Variants in SORL1 observed in about 807,000 individuals in gnomAD.
SORL1 encodes sortilin-related receptor.
SORL1 carries 127 observed loss-of-function variants against 273.7 expected under a neutral mutation model. The observed-to-expected ratio is 0.46, with a 90% confidence interval of 0.40 to 0.54. The LOEUF is 0.54. Ranked by LOEUF, SORL1 falls within the 20% of genes least tolerant of loss-of-function variation. SORL1 has a pLI of 0.00. For missense variants in SORL1, 2,494 were observed against 2,846.1 expected (o/e 0.88, Z 2.81); for synonymous variants, 1,031 against 1,067.4 (o/e 0.97, Z 0.66).
At chr11:121,483,079 G>T (rs1861418440) in intron 3 of SORL1, among the ~76,000 whole-genome samples, 1 of 152,226 alleles carries the variant, frequency 6.6e-6, no homozygotes, top group African/African-American at 2.4e-5. Flanking sequence ...GTTTGGCGCT[G>T]TTATTTGCTT....
intron 24 of SORL1, among the ~76,000 whole-genome samples, chr11:121,575,798 G>C (rs1862919972): frequency 6.6e-6 from 1 of 152,150 alleles, no homozygotes; most frequent in Admixed American, 6.5e-5. Context: ...TTTTGCCCTA[G>C]TAAGAAGGAA....
rs1489123013 is a variant in SORL1 at position 121,627,568 on chromosome 11, T to G, written c.6378T>G (p.Ser2126=). ...TTGCCTTGGCAGGTGCAGATGCATCTGCAACGCAGGCTGCCAGATCTACGG... is the reference window on the plus strand; with the variant it reads ...TTGCCTTGGCAGGTGCAGATGCATCGGCAACGCAGGCTGCCAGATCTACGG... ...YDELGSGADA[S]ATQAARSTDV... is the part of the protein sequence containing the mutation. Residue 2126 remains serine, a synonymous_variant, in exon 47 of 48, where the codon TCT becomes TCG. Transcript: ENST00000260197. This position sits in a 1 kb window ranked among gnomAD's most constrained non-coding sequence, Gnocchi z 4.9. The G allele has an allele frequency of 1.9e-6, 3 of 1,614,042 alleles. No individual in the cohort carries two copies. The South Asian group carries it at 3.3e-5, about 18-fold the overall frequency.
chr11:121,613,949 C>T (rs2134936971), intron 40 of SORL1, among the ~76,000 whole-genome samples: 1 of 152,348 alleles, frequency 6.6e-6, no homozygotes, highest in South Asian at 2.1e-4. Context: ...TGCCAGCCAG[C>T]AGCTGCTGTA....
chr11:121,536,148 CT>C (rs1318232194), intron 12 of SORL1, among the ~76,000 whole-genome samples: 1 of 152,060 alleles, frequency 6.6e-6, no homozygotes, highest in South Asian at 2.1e-4. Flanking sequence ...CCCAAAGCAT[CT>C]TTTTTTTCTA....
intron 14 of SORL1, among the ~76,000 whole-genome samples, chr11:121,547,873 G>A (rs989933200): frequency 2.6e-5 from 4 of 152,286 alleles, no homozygotes; most frequent in South Asian, 2.1e-4. Context: ...CAAGCTTATA[G>A]TATCTTTCCA....
At chr11:121,475,858 T>C (rs191894260) in intron 2 of SORL1, among the ~76,000 whole-genome samples, 1,783 of 152,360 alleles carry the variant, frequency 0.012, 55 homozygotes, top group Admixed American at 0.07. Flanking sequence ...TTCAATTCAT[T>C]CTTTTCTATT....
chr11:121,513,729 C>A (rs78670938), intron 7 of SORL1, among the ~76,000 whole-genome samples: 2 of 152,168 alleles, frequency 1.3e-5, no homozygotes, highest in African/African-American at 4.8e-5. Flanking sequence ...TGGGATCATA[C>A]GGAGAACAGT....
chr11:121,534,611 G>A (rs2134874445), intron 12 of SORL1, among the ~76,000 whole-genome samples: 1 of 152,360 alleles, frequency 6.6e-6, no homozygotes, highest in East Asian at 1.9e-4. Flanking sequence ...ATAACAACCT[G>A]AGCTTGGCCT....
chr11:121,549,900 T>A, intron 14 of SORL1, 60 bp from the exon 15 acceptor site: 1 of 1,563,912 alleles, frequency 6.4e-7, no homozygotes, highest in Non-Finnish European at 8.7e-7. Flanking sequence ...GCAGAATTGG[T>A]ACAGGAATGC....
chr11:121,490,078 C>G lies in SORL1; in HGVS notation c.726C>G (p.Ile242Met). 6.2e-7 allele frequency: 1 copy of G among 1,613,958 alleles called. No individual in the cohort carries two copies. Among genetic ancestry groups the G allele is most frequent in the Non-Finnish European group, 8.5e-7 (1 of 1,179,818 alleles). The change falls in exon 5 of 48, where the codon ATC becomes ATG. Residue 242 changes from isoleucine (I) to methionine (M), a missense_variant. This residue lies in a region of SORL1 where 710 missense variants were observed against 882.5 expected (regional missense o/e 0.80). Coordinates refer to ENST00000260197, the MANE Select transcript of SORL1 (RefSeq NM_003105.6). The part of the protein sequence containing the change: ...WKSDDFGQTW[I>M]MIQEHVKSFS... ...CAGATGACTTTGGCCAGACCTGGAT[C>G]ATGATTCAGGAACATGTCAAGTCCT... is the stretch of plus-strand genomic sequence containing the variant.
intron 3 of SORL1, among the ~76,000 whole-genome samples, chr11:121,479,040 G>A (rs1201034116): frequency 6.6e-6 from 1 of 152,046 alleles, no homozygotes; most frequent in East Asian, 1.9e-4. Context: ...GCGTGTGTTG[G>A]TGCAACCCTC....
At chr11:121,523,678 G>A (rs1028858243) in intron 11 of SORL1, among the ~76,000 whole-genome samples, 2 of 151,826 alleles carry the variant, frequency 1.3e-5, no homozygotes, top group Non-Finnish European at 2.9e-5. Context: ...GTTTGGTCTC[G>A]TTCTGTAGGG....
chr11:121,548,813 C>T lies in SORL1; in HGVS notation c.2052-1147C>T, dbSNP rs532237290. Among the ~76,000 whole-genome samples the T allele has an allele frequency of 3.0e-4, 45 of 152,138 alleles. 2 individuals carry two copies. The South Asian group carries it at 6.4e-3, about 22-fold the overall frequency. Reference sequence around the variant, plus strand: ...AACTCCTGACCTCAAGTGAGCCACCCGCCTCAGCCTCCCAAAATGCTGGGA... The same window carrying T: ...AACTCCTGACCTCAAGTGAGCCACCTGCCTCAGCCTCCCAAAATGCTGGGA... On this transcript the variant is annotated intron_variant, in intron 14 of 47. Transcript: ENST00000260197.
intron 8 of SORL1, among the ~76,000 whole-genome samples, chr11:121,519,371 C>G (rs371319964): frequency 6.6e-6 from 1 of 151,822 alleles, no homozygotes; most frequent in Non-Finnish European, 1.5e-5. Flanking sequence ...TCAGGGTATC[C>G]GCATGGTAGA....
intron 1 of SORL1, among the ~76,000 whole-genome samples, chr11:121,463,412 A>G (rs1257506712): frequency 6.6e-6 from 1 of 152,250 alleles, no homozygotes; most frequent in East Asian, 1.9e-4. Context: ...AGAGTGGCAC[A>G]CAGAGGTAAA....
chr11:121,522,770 C>T (rs778474428), intron 10 of SORL1, 67 bp downstream of exon 10: 54 of 1,393,448 alleles, frequency 3.9e-5, no homozygotes, highest in Non-Finnish European at 4.8e-5. Context: ...AAATGCAGAG[C>T]GATCACCCAC....
chr11:121,545,479 G>A (rs1263846179), intron 14 of SORL1, 50 bp downstream of exon 14: 7 of 1,542,236 alleles, frequency 4.5e-6, no homozygotes, highest in East Asian at 2.3e-5. Context: ...TATTCACTCA[G>A]CAGTGTTGGG....
rs1410565619 is a variant in SORL1 at position 121,513,052 on chromosome 11, T to C, written c.989T>C (p.Phe330Ser). 1 of 1,614,220 alleles carries C rather than the reference T, an allele frequency of 6.2e-7. No homozygotes were observed. The highest frequency in any genetic ancestry group is 8.5e-7 in the Non-Finnish European group (1 of 1,180,008). ...QQSSVQLWVS[F>S]GRKPMRAAQF... The stretch of plus-strand genomic sequence containing the variant: ...TCTTCTGTCCAGCTCTGGGTCTCCT[T>C]TGGCCGGAAGCCCATGAGAGCAGCC... The change falls in exon 7 of 48, where the codon TTT (phenylalanine) becomes TCT (serine). Residue 330 changes from phenylalanine (F) to serine (S), a missense_variant. Coordinates refer to ENST00000260197, the MANE Select transcript of SORL1 (RefSeq NM_003105.6).
Position 121,631,586 on chromosome 11 carries a change from A to C in SORL1, c.*2023A>C, listed in dbSNP as rs1376625398. 2 of 152,192 alleles carry C rather than the reference A, an allele frequency of 1.3e-5. No homozygotes were observed. Among genetic ancestry groups the C allele is most frequent in the African/African-American group, 4.8e-5 (2 of 41,440 alleles). The allele number at this position is 152,192 out of a possible 1,614,324, so 9.4% of individuals were successfully genotyped here. A position where few individuals can be genotyped will look rare whatever the true frequency, so the allele number is the denominator to read the frequency against. On this transcript the variant is annotated 3_prime_UTR_variant, in exon 48 of 48. Coordinates refer to ENST00000260197, the MANE Select transcript of SORL1 (RefSeq NM_003105.6). ...TTTTTGGTGGCATTTGTAAAAGCTGATATAAAAGGCTCTGAGATGTTATTT... is the reference window on the plus strand; with the variant it reads ...TTTTTGGTGGCATTTGTAAAAGCTGCTATAAAAGGCTCTGAGATGTTATTT...
Sources: gnomAD v4.1 joint callset for allele counts (sites outside exome capture counted in the v4.1 genomes callset) on GRCh38, gnomAD v4.1.1 for gene constraint, gnomAD v4.1.1 regional missense constraint, Gnocchi (gnomAD v3.1) non-coding constraint, MANE v1.5 for transcripts, NCBI Gene and HGNC (gene_info 2026-07-23, HGNC 2026-07-21) for gene names.